Variants in RSPRY1 observed in about 807,000 individuals in gnomAD.
The protein encoded by RSPRY1 is RING finger and SPRY domain-containing protein 1.
Under a neutral mutation model 73.1 loss-of-function variants are expected in RSPRY1, and 23 were observed. The observed-to-expected ratio is 0.31, with a 90% CI of 0.23 to 0.45. The LOEUF is 0.45. Ranked by LOEUF, RSPRY1 falls within the 20% of genes least tolerant of loss-of-function variation. The probability of loss-of-function intolerance (pLI) is 1.00; values close to 1 mark genes in which losing one functional copy is unlikely to be tolerated. For missense variants in RSPRY1, 448 were observed against 698.7 expected (o/e 0.64, Z 4.05); for synonymous variants, 226 against 251.4 (o/e 0.90, Z 0.95).
intron 8 of RSPRY1, among the ~76,000 whole-genome samples, chr16:57,218,009 C>T (rs1258063489): frequency 5.9e-5 from 9 of 152,204 alleles, no homozygotes; most frequent in African/African-American, 2.2e-4. Context: ...TTTGATTGAT[C>T]TTCAAATGGC....
At chr16:57,187,234 G>A (rs1256956198) in intron 1 of RSPRY1, among the ~76,000 whole-genome samples, 3 of 152,138 alleles carry the variant, frequency 2.0e-5, no homozygotes, top group African/African-American at 7.2e-5. Flanking sequence ...AGTGGGGTGG[G>A]GAGAGTCTAT....
intron 1 of RSPRY1, among the ~76,000 whole-genome samples, chr16:57,201,533 A>G (rs1404175852): frequency 3.6e-4 from 46 of 129,338 alleles, no homozygotes; most frequent in South Asian, 7.6e-4. Context: ...AGGCAGAGAC[A>G]CTCCTCACTT....
intron 8 of RSPRY1, among the ~76,000 whole-genome samples, chr16:57,217,999 TTTGA>T (rs1265699277): frequency 1.3e-5 from 2 of 152,250 alleles, no homozygotes; most frequent in Non-Finnish European, 2.9e-5. Context: ...CTAGCATTTG[TTTGA>T]TTGATCTTCA....
At chr16:57,230,104 G>A (rs906361620) in intron 11 of RSPRY1, among the ~76,000 whole-genome samples, 5 of 137,740 alleles carry the variant, frequency 3.6e-5, no homozygotes, top group South Asian at 4.9e-4. Context: ...TCCGCCTCCC[G>A]GATTCAAGTG....
chr16:57,230,556 G>A (rs147170415), intron 11 of RSPRY1, among the ~76,000 whole-genome samples, 155 bp from the exon 12 acceptor site: 121 of 152,244 alleles, frequency 7.9e-4, no homozygotes, highest in African/African-American at 2.8e-3. Context: ...GTGTATAGGG[G>A]TCAGATCAGT....
At chr16:57,199,891 G>GTTTTTTTTT in intron 1 of RSPRY1, among the ~76,000 whole-genome samples, 1 of 35,032 alleles carries the variant, frequency 2.9e-5, no homozygotes, top group Non-Finnish European at 7.0e-5. Flanking sequence ...TGTTTTTTTT[G>GTTTTTTTTT]TTTGTTTTTT....
chr16:57,196,560 G>C (rs1321713631), intron 1 of RSPRY1, among the ~76,000 whole-genome samples: 1 of 151,990 alleles, frequency 6.6e-6, no homozygotes, highest in Non-Finnish European at 1.5e-5. Flanking sequence ...GTGGGACCAG[G>C]GATTTGCATT....
At chr16:57,222,169 C>G (rs2075048422) in intron 10 of RSPRY1, among the ~76,000 whole-genome samples, 2 of 152,304 alleles carry the variant, frequency 1.3e-5, no homozygotes, top group African/African-American at 4.8e-5. Flanking sequence ...TAGCCCCCCC[C>G]TCCAATATGT....
intron 3 of RSPRY1, 131 bp downstream of exon 3, chr16:57,208,241 A>G: frequency 3.6e-6 from 2 of 552,984 alleles, no homozygotes; most frequent in East Asian, 3.2e-5. Flanking sequence ...ATAACAATGA[A>G]AAAAGCCCTT....
intron 2 of RSPRY1, chr16:57,207,666 C>G (rs550458573): frequency 2.2e-6 from 1 of 459,622 alleles, no homozygotes; most frequent in South Asian, 1.5e-5. Flanking sequence ...TGTCGTCTCT[C>G]TTCCTGGCAT....
At chr16:57,204,380 T>TA (rs762089461) in intron 1 of RSPRY1, 124 bp from the exon 2 acceptor site, 2 of 346,114 alleles carry the variant, frequency 5.8e-6, no homozygotes, top group Non-Finnish European at 1.1e-5. Context: ...TGGAAACCTA[T>TA]AAAAATAACC....
At chr16:57,191,026 A>T (rs1431090762) in intron 1 of RSPRY1, among the ~76,000 whole-genome samples, 3 of 152,240 alleles carry the variant, frequency 2.0e-5, no homozygotes, top group African/African-American at 4.8e-5. Flanking sequence ...AACTCTGCAC[A>T]TAGCTTTCTT....
chr16:57,221,045 G>T (rs972037181), intron 9 of RSPRY1, among the ~76,000 whole-genome samples, 198 bp downstream of exon 9: 1 of 152,206 alleles, frequency 6.6e-6, no homozygotes, highest in African/African-American at 2.4e-5. Flanking sequence ...CAGGATTAAA[G>T]AACTGTTTGA....
At chr16:57,218,663 G>C (rs890157371) in intron 8 of RSPRY1, among the ~76,000 whole-genome samples, 25 of 146,420 alleles carry the variant, frequency 1.7e-4, no homozygotes, top group Admixed American at 1.3e-3. Context: ...TAAATGACAG[G>C]ATCTCATTCT....
chr16:57,215,093 A>T (rs959435342), intron 6 of RSPRY1, among the ~76,000 whole-genome samples: 4 of 152,040 alleles, frequency 2.6e-5, no homozygotes, highest in Non-Finnish European at 1.5e-5. Context: ...GTGTCATGAA[A>T]GTCAGACTTC....
chr16:57,235,952 G>C (rs557455340), intron 14 of RSPRY1, among the ~76,000 whole-genome samples: 5 of 152,176 alleles, frequency 3.3e-5, no homozygotes, highest in Non-Finnish European at 7.4e-5. Context: ...TACGTTTGTT[G>C]TCTTTTGAAA....
At chr16:57,189,476 G>T (rs1230961962) in intron 1 of RSPRY1, among the ~76,000 whole-genome samples, 1 of 149,688 alleles carries the variant, frequency 6.7e-6, no homozygotes, top group Admixed American at 6.7e-5. Flanking sequence ...ACAAATCTGA[G>T]TTATGTAGCA....
intron 1 of RSPRY1, among the ~76,000 whole-genome samples, chr16:57,192,386 C>T (rs948037557): frequency 1.1e-4 from 16 of 152,158 alleles, no homozygotes; most frequent in African/African-American, 3.9e-4. Flanking sequence ...CTTCCCTGTA[C>T]TGCAACCGTC....
At chr16:57,221,916 A>C (rs1217421981) in intron 10 of RSPRY1, among the ~76,000 whole-genome samples, 2 of 152,248 alleles carry the variant, frequency 1.3e-5, no homozygotes, top group Non-Finnish European at 2.9e-5. Context: ...TATAATATAA[A>C]AGGGAAACAA....
Sources: gnomAD v4.1 joint callset for allele counts (sites outside exome capture counted in the v4.1 genomes callset) on GRCh38, gnomAD v4.1.1 for gene constraint, MANE v1.5 for transcripts, NCBI Gene and HGNC (gene_info 2026-07-23, HGNC 2026-07-21) for gene names.